Variants in TMEM120B observed in about 807,000 individuals in gnomAD.
TMEM120B encodes transmembrane protein 120B.
A neutral mutation model predicts 55.5 loss-of-function variants in TMEM120B; 31 were observed. That is an observed-to-expected ratio of 0.56 (90% confidence interval 0.42 to 0.75). The LOEUF is 0.75. TMEM120B is among the 30% of genes least tolerant of loss of function. The probability of loss-of-function intolerance (pLI) is 0.00; values close to 1 mark genes in which losing one functional copy is unlikely to be tolerated. For missense variants in TMEM120B, 399 were observed against 425.5 expected (o/e 0.94, Z 0.55); for synonymous variants, 203 against 176.3 (o/e 1.15, Z -1.20).
intron 4 of TMEM120B, among the ~76,000 whole-genome samples, chr12:121,750,977 A>ACCCACCC (rs1566517370): frequency 3.0e-4 from 2 of 6,574 alleles, no homozygotes; most frequent in Non-Finnish European, 5.0e-4. Context: ...CACACCCCAC[A>ACCCACCC]CCCACACCCC....
At position 121,766,203 on chromosome 12, in the gene TMEM120B, T is replaced by C. The variant is rs553491653; in HGVS notation, c.551+4465T>C. ...CAGGAGGTGTGGTCAGGGGAGCAGG[T>C]AGGGGTGGGGACTTCCTCATCGAGA... On this transcript the variant is annotated intron_variant, in intron 6 of 11. Transcript: ENST00000449592. 1.2e-4 allele frequency among the ~76,000 whole-genome samples: 19 copies of C among 152,208 alleles called. No individual in the cohort carries two copies. The South Asian group carries it at 3.7e-3, about 30-fold the overall frequency.
At chr12:121,741,627 A>AATT (rs1277261521) in intron 1 of TMEM120B, among the ~76,000 whole-genome samples, 2 of 151,440 alleles carry the variant, frequency 1.3e-5, no homozygotes, top group South Asian at 2.1e-4. Context: ...CTGCGCCTGA[A>AATT]ATTATTATTA....
chr12:121,760,451 G>A (rs767834203), intron 5 of TMEM120B, among the ~76,000 whole-genome samples: 4 of 152,214 alleles, frequency 2.6e-5, no homozygotes, highest in East Asian at 3.8e-4. Context: ...GGGGTGGGCT[G>A]TCTGCATGCG....
In TMEM120B at chr12:121,755,563, G is replaced by A. The variant is rs955944784; in HGVS notation, c.461+3340G>A. On this transcript the variant is annotated intron_variant, in intron 5 of 11. Transcript: ENST00000449592. ...TTTGGACCTCACTCCAGTGCTTGCC[G>A]TCTGTGTGATCTGTAAAATGGGAAG... 1.8e-4 allele frequency among the ~76,000 whole-genome samples: 27 copies of A among 152,310 alleles called. 1 individual carries two copies. The highest frequency in any genetic ancestry group is 3.4e-3 in the Middle Eastern group (1 of 294).
At chr12:121,739,222 G>A (rs1009297147) in intron 1 of TMEM120B, among the ~76,000 whole-genome samples, 34 of 152,078 alleles carry the variant, frequency 2.2e-4, no homozygotes, top group African/African-American at 8.0e-4. Flanking sequence ...TTAAATTCAC[G>A]AAAGACAGAG....
intron 6 of TMEM120B, among the ~76,000 whole-genome samples, chr12:121,765,129 C>CTTTTTTTTT (rs775861260): frequency 1.4e-4 from 19 of 133,676 alleles, no homozygotes; most frequent in South Asian, 2.4e-4. Context: ...TCTTTTCTTT[C>CTTTTTTTTT]TTTTTTTTTT....
rs763518586 is a variant in TMEM120B at position 121,780,800 on chromosome 12, C to G, written c.*5078C>G. ...TCCCTGAAAGGCCACTAAGGCACCC[C>G]AGTTGCAGAGGCCAAAGGTCCGGGA... is the stretch of plus-strand genomic sequence containing the variant. On this transcript the variant is annotated 3_prime_UTR_variant, in exon 12 of 12. Transcript: ENST00000449592. 3 of 1,521,240 alleles carry G rather than the reference C, an allele frequency of 2.0e-6. No homozygotes were observed. In the East Asian group the frequency reaches 6.8e-5, roughly 34 times the overall value. 94.2% of individuals were successfully genotyped at this position (1,521,240 alleles called of 1,614,324 possible). A position where few individuals can be genotyped will look rare whatever the true frequency, so the allele number is the denominator to read the frequency against.
At chr12:121,720,217 C>G (rs575844618) in intron 1 of TMEM120B, among the ~76,000 whole-genome samples, 55 of 152,262 alleles carry the variant, frequency 3.6e-4, no homozygotes, top group African/African-American at 1.3e-3. Context: ...ATGCGTGCCT[C>G]CCACGCACAG....
intron 2 of TMEM120B, among the ~76,000 whole-genome samples, chr12:121,745,786 G>A (rs1055476955): frequency 6.6e-6 from 1 of 151,870 alleles, no homozygotes; most frequent in Admixed American, 6.6e-5. Flanking sequence ...CTGGGCTCAA[G>A]CGATCCTCCC....
At chr12:121,773,571 C>A in intron 9 of TMEM120B, 58 bp downstream of exon 9, 3 of 1,355,126 alleles carry the variant, frequency 2.2e-6, no homozygotes, top group South Asian at 1.4e-5. Context: ...CAGCTCCCCA[C>A]ACCGGGAGTG....
intron 1 of TMEM120B, among the ~76,000 whole-genome samples, chr12:121,716,279 G>A (rs1057110821): frequency 6.7e-6 from 1 of 150,122 alleles, no homozygotes; most frequent in East Asian, 2.0e-4. Context: ...CTGTACTCTA[G>A]CCTGGGTGAC....
rs1286136311 is a variant in TMEM120B, at chr12:121,748,346, G to A, written c.209G>A (p.Arg70Gln). 5.6e-6 allele frequency: 9 copies of A among 1,610,696 alleles called. No homozygotes were observed. Among genetic ancestry groups the A allele is most frequent in the Non-Finnish European group, 5.1e-6 (6 of 1,178,442 alleles). ...CGCAGGTGCAAACGCCATGCCAGTC[G>A]GGAGGAGGCGGAGCTCGTTCAGCAG... ...TLQRCKRHAS[R>Q]EEAELVQQMA... is the part of the protein sequence containing the mutation. Residue 70 changes from arginine (R) to glutamine (Q), a missense_variant, in exon 3 of 12, where the codon CGG (arginine) becomes CAG (glutamine). Physicochemically the swap from Arg to Gln is conservative, Grantham distance 43. This residue lies in a region of TMEM120B where 133 missense variants were observed against 104.1 expected (regional missense o/e 1.28). Transcript: ENST00000449592.
intron 1 of TMEM120B, among the ~76,000 whole-genome samples, chr12:121,741,823 T>G (rs932157495): frequency 1.3e-5 from 2 of 149,942 alleles, no homozygotes; most frequent in African/African-American, 4.9e-5. Context: ...ATAAAAACAT[T>G]AAGTAAAATA....
rs375346644 is a variant in TMEM120B, at chr12:121,774,681, C to T, written c.796C>T (p.Arg266Trp). 4.5e-5 allele frequency: 72 copies of T among 1,613,848 alleles called. No homozygotes were observed. Among genetic ancestry groups the T allele is most frequent in the Non-Finnish European group, 5.5e-5 (65 of 1,179,914 alleles). Reference sequence around the variant, plus strand: ...AGAAGGGTTCCAGTCCTGGATGTGGCGGGGCCTCACCTTTCTCCTGCCCTT... The same window carrying T: ...AGAAGGGTTCCAGTCCTGGATGTGGTGGGGCCTCACCTTTCTCCTGCCCTT... ...TVEGFQSWMW[R>W]GLTFLLPFLF... Residue 266 changes from arginine to tryptophan, a missense_variant, in exon 10 of 12, where the codon CGG becomes TGG. By Grantham distance (101) the Arg-to-Trp change is moderately radical. Transcript: ENST00000449592.
intron 6 of TMEM120B, among the ~76,000 whole-genome samples, chr12:121,764,748 C>T (rs751192544): frequency 3.0e-4 from 45 of 152,056 alleles, no homozygotes; most frequent in African/African-American, 3.6e-4. Flanking sequence ...TCTAATGTGA[C>T]GCTGTGGATG....
intron 1 of TMEM120B, among the ~76,000 whole-genome samples, chr12:121,733,529 C>A (rs2137062775): frequency 6.8e-6 from 1 of 148,064 alleles, no homozygotes; most frequent in South Asian, 2.2e-4. Flanking sequence ...TAGGCGTGAG[C>A]CACCGTGCCT....
intron 6 of TMEM120B, among the ~76,000 whole-genome samples, chr12:121,768,312 G>A (rs1485122544): frequency 6.6e-6 from 1 of 152,176 alleles, no homozygotes; most frequent in Non-Finnish European, 1.5e-5. Context: ...TTGAGTGCCT[G>A]TTGTTTACCT....
chr12:121,729,887 A>G (rs796087095), intron 1 of TMEM120B, among the ~76,000 whole-genome samples: 49 of 152,282 alleles, frequency 3.2e-4, no homozygotes, highest in African/African-American at 1.1e-3. Flanking sequence ...GATGGAAGCA[A>G]CCCATCTTCC....
chr12:121,753,992 G>A (rs1457798018), intron 5 of TMEM120B, among the ~76,000 whole-genome samples: 1 of 152,246 alleles, frequency 6.6e-6, no homozygotes, highest in African/African-American at 2.4e-5. Context: ...CCCTGCCTGG[G>A]CTGCTGTTCC....
Sources: gnomAD v4.1 joint callset for allele counts (sites outside exome capture counted in the v4.1 genomes callset) on GRCh38, gnomAD v4.1.1 for gene constraint, gnomAD v4.1.1 regional missense constraint, MANE v1.5 for transcripts, NCBI Gene and HGNC (gene_info 2026-07-23, HGNC 2026-07-21) for gene names.